USP7: variants seen among roughly 807,000 people sequenced by gnomAD.
The protein encoded by USP7 is ubiquitin C-terminal hydrolase 7.
Under a neutral mutation model 162.9 loss-of-function variants are expected in USP7, and 9 were observed. The ratio of observed to expected loss-of-function variants is 0.06; its 90% CI spans 0.03 to 0.10. The LOEUF is 0.10. Ranked by LOEUF, USP7 falls within the 10% of genes least tolerant of loss-of-function variation. USP7 has a pLI of 1.00. For synonymous variants in USP7, 562 were observed against 475.9 expected (o/e 1.18, Z -2.35); for missense variants, 715 against 1,373.7 (o/e 0.52, Z 7.58).
Position 8,893,408 on chromosome 16 carries a change from G to GCTGAC in USP7, c.*585_*589dup. 6.5e-6 allele frequency: 1 copy of GCTGAC among 154,320 alleles called. No individual in the cohort carries two copies. Among genetic ancestry groups the GCTGAC allele is most frequent in the South Asian group, 2.0e-4 (1 of 4,996 alleles). The allele number at this position is 154,320 out of a possible 1,614,324, so 9.6% of individuals were successfully genotyped here. A position where few individuals can be genotyped will look rare whatever the true frequency, so the allele number is the denominator to read the frequency against. Reference sequence around the variant, plus strand: ...TGCAAAGGGGCTGCAGACAGTAGTGGCTGACGAGGTGAGACAAGTTTATTA... The same window carrying GCTGAC: ...TGCAAAGGGGCTGCAGACAGTAGTGGCTGACCTGACGAGGTGAGACAAGTTTATTA... On this transcript the variant is annotated 3_prime_UTR_variant, in exon 31 of 31. Coordinates refer to ENST00000344836, the MANE Select transcript of USP7 (RefSeq NM_003470.3).
chr16:8,961,094 T>C (rs1899987799), intron 1 of USP7, among the ~76,000 whole-genome samples: 1 of 152,140 alleles, frequency 6.6e-6, no homozygotes, highest in Admixed American at 6.5e-5. Context: ...TAATACAAAC[T>C]GTAATATGAA....
chr16:8,909,199 C>T (rs1336791120), intron 11 of USP7, among the ~76,000 whole-genome samples: 1 of 152,224 alleles, frequency 6.6e-6, no homozygotes, highest in Non-Finnish European at 1.5e-5. Context: ...TAAAATCAGG[C>T]TTTGCCTATC....
intron 10 of USP7, among the ~76,000 whole-genome samples, 170 bp downstream of exon 10, chr16:8,915,084 G>C (rs557237480): frequency 1.3e-5 from 2 of 152,320 alleles, no homozygotes; most frequent in East Asian, 3.9e-4. Context: ...GCCAACACCA[G>C]AGCTGGGTGG....
At chr16:8,919,702 A>T (rs2141208768) in intron 5 of USP7, among the ~76,000 whole-genome samples, 1 of 151,180 alleles carries the variant, frequency 6.6e-6, no homozygotes, top group Non-Finnish European at 1.5e-5. Context: ...AAGTAGTAAA[A>T]GGAAGCCACA....
At chr16:8,903,216 A>C (rs1170637085) in intron 16 of USP7, 52 bp downstream of exon 16, 3 of 1,584,248 alleles carry the variant, frequency 1.9e-6, no homozygotes, top group Admixed American at 1.7e-5. Flanking sequence ...ACACGGAAGG[A>C]AGGTGGACGT....
intron 2 of USP7, among the ~76,000 whole-genome samples, chr16:8,924,735 T>G (rs1897895327): frequency 6.6e-6 from 1 of 152,232 alleles, no homozygotes; most frequent in Admixed American, 6.5e-5. Flanking sequence ...AGTTTGGTCT[T>G]AAGAAAACAT....
intron 11 of USP7, among the ~76,000 whole-genome samples, chr16:8,908,832 GA>G (rs1417263943): frequency 3.3e-5 from 5 of 152,152 alleles, no homozygotes; most frequent in Non-Finnish European, 4.4e-5. Context: ...TGGAAAATCA[GA>G]AAACTCTGGT....
chr16:8,896,512 C>G (rs1235049549), intron 26 of USP7, among the ~76,000 whole-genome samples: 3 of 152,186 alleles, frequency 2.0e-5, no homozygotes, highest in Non-Finnish European at 2.9e-5. Flanking sequence ...GCCCATCTCT[C>G]TGAAATAAAC....
At chr16:8,925,244 C>T (rs1897926961) in intron 2 of USP7, among the ~76,000 whole-genome samples, 1 of 152,170 alleles carries the variant, frequency 6.6e-6, no homozygotes, top group African/African-American at 2.4e-5. Context: ...AGTGACCTGA[C>T]TCTGGTTTTT....
chr16:8,932,632 GAAAA>G (rs1567234215), intron 1 of USP7, among the ~76,000 whole-genome samples: 1 of 151,884 alleles, frequency 6.6e-6, no homozygotes, highest in Non-Finnish European at 1.5e-5. Context: ...AGAAAGAAAA[GAAAA>G]ATCAGGTACT....
chr16:8,938,986 A>C (rs1222373314), intron 1 of USP7, among the ~76,000 whole-genome samples: 1 of 152,102 alleles, frequency 6.6e-6, no homozygotes, highest in African/African-American at 2.4e-5. Flanking sequence ...ATTAATACCA[A>C]GGGACAGGGA....
At chr16:8,917,425 C>A (rs1046403063) in intron 6 of USP7, among the ~76,000 whole-genome samples, 1 of 152,232 alleles carries the variant, frequency 6.6e-6, no homozygotes, top group Non-Finnish European at 1.5e-5. Context: ...GTTGGCCAGG[C>A]TGAAGTGCAG....
intron 30 of USP7, 149 bp downstream of exon 30, chr16:8,894,401 T>C (rs773254406): frequency 1.5e-5 from 11 of 711,506 alleles, no homozygotes; most frequent in Non-Finnish European, 2.1e-5. Context: ...ACTCGTAGGT[T>C]ATGGAATGCT....
At chr16:8,910,897 T>C (rs1252747067) in intron 10 of USP7, 70 bp from the exon 11 acceptor site, 2 of 1,288,938 alleles carry the variant, frequency 1.6e-6, no homozygotes, top group East Asian at 2.3e-5. Context: ...CAGGTGTAAG[T>C]TATTTAAATC....
chr16:8,952,805 C>T (rs1899617221), intron 1 of USP7, among the ~76,000 whole-genome samples: 1 of 151,792 alleles, frequency 6.6e-6, no homozygotes, highest in Non-Finnish European at 1.5e-5. Flanking sequence ...ACTCATCCTG[C>T]TATTCCACCC....
chr16:8,893,340 A>G lies in USP7; in HGVS notation c.*658T>C, dbSNP rs1240468609. ...ACAATGTTCTTGATTTAATAAAAAG[A>G]CCCCCACAATGTCTGTCCGGACTGT... On this transcript the variant is annotated 3_prime_UTR_variant, in exon 31 of 31. Coordinates refer to ENST00000344836, the MANE Select transcript of USP7 (RefSeq NM_003470.3). The G allele has an allele frequency of 6.6e-6, 1 of 152,224 alleles. No individual in the cohort carries two copies. Among genetic ancestry groups the G allele is most frequent in the African/African-American group, 2.4e-5 (1 of 41,518 alleles). 9.4% of individuals were successfully genotyped at this position (152,224 alleles called of 1,614,324 possible).
chr16:8,936,284 C>A (rs913852112), intron 1 of USP7, among the ~76,000 whole-genome samples: 1 of 152,148 alleles, frequency 6.6e-6, no homozygotes, highest in African/African-American at 2.4e-5. Context: ...GCTCACATGG[C>A]GCCCTACAGC....
intron 3 of USP7, among the ~76,000 whole-genome samples, chr16:8,922,937 T>A (rs151052898): frequency 1.3e-5 from 2 of 152,292 alleles, no homozygotes; most frequent in African/African-American, 4.8e-5. Flanking sequence ...ACTGACAGAG[T>A]AAGAATTAAG....
chr16:8,937,112 T>C (rs1201013904), intron 1 of USP7, among the ~76,000 whole-genome samples: 3 of 152,124 alleles, frequency 2.0e-5, no homozygotes, highest in African/African-American at 4.8e-5. Context: ...AGTGAAAAAT[T>C]TCAGGGCACC....
Sources: gnomAD v4.1 joint callset for allele counts (sites outside exome capture counted in the v4.1 genomes callset) on GRCh38, gnomAD v4.1.1 for gene constraint, MANE v1.5 for transcripts, NCBI Gene and HGNC (gene_info 2026-07-23, HGNC 2026-07-21) for gene names.